The following FBN2 variants were observed in gnomAD, a reference collection of about 807,000 sequenced individuals.
FBN2 encodes fibrillin-2.
In FBN2, 105 loss-of-function variants were observed where a neutral mutation model predicts 355.6. The ratio of observed to expected loss-of-function variants is 0.30; its 90% CI spans 0.25 to 0.35. The LOEUF (loss-of-function observed/expected upper bound fraction) is 0.35, where lower values mean the gene tolerates loss of function less well. Ranked by LOEUF, FBN2 falls within the 10% of genes least tolerant of loss-of-function variation. The pLI, the probability that FBN2 is intolerant of heterozygous loss-of-function variation, is 1.00. For missense variants in FBN2, 3,280 were observed against 3,758.7 expected (o/e 0.87, Z 3.33); for synonymous variants, 1,350 against 1,301.2 (o/e 1.04, Z -0.81).
At chr5:128,478,044 T>C (rs1203231886) in intron 5 of FBN2, among the ~76,000 whole-genome samples, 3 of 152,238 alleles carry the variant, frequency 2.0e-5, no homozygotes, top group Non-Finnish European at 2.9e-5. Context: ...TCACTTCTTG[T>C]GTGCAAGTAC....
intron 4 of FBN2, among the ~76,000 whole-genome samples, chr5:128,526,107 A>G (rs1213001028): frequency 6.6e-6 from 1 of 152,190 alleles, no homozygotes; most frequent in African/African-American, 2.4e-5. Flanking sequence ...AGAAAACTTT[A>G]TAGCACTTAT....
At chr5:128,386,270 G>A (rs1752363686) in intron 11 of FBN2, among the ~76,000 whole-genome samples, 1 of 152,018 alleles carries the variant, frequency 6.6e-6, no homozygotes, top group Admixed American at 6.6e-5. Context: ...ATCATTTATC[G>A]AATAGGGAGC....
At chr5:128,359,024 C>G (rs2126933690) in intron 19 of FBN2, among the ~76,000 whole-genome samples, 1 of 152,146 alleles carries the variant, frequency 6.6e-6, no homozygotes, top group East Asian at 1.9e-4. Flanking sequence ...CAAAGCACAT[C>G]TGGTTTACAT....
chr5:128,493,690 C>T (rs1231118874), intron 5 of FBN2, among the ~76,000 whole-genome samples: 3 of 152,098 alleles, frequency 2.0e-5, no homozygotes. Flanking sequence ...AAAATAAACT[C>T]TGAAGGCTGT....
chr5:128,396,979 T>C (rs1752667596), intron 8 of FBN2, among the ~76,000 whole-genome samples: 1 of 152,174 alleles, frequency 6.6e-6, no homozygotes, highest in Non-Finnish European at 1.5e-5. Context: ...GGCCCATATA[T>C]AGCATGCCTC....
intron 7 of FBN2, among the ~76,000 whole-genome samples, chr5:128,425,917 A>G (rs2127022863): frequency 6.6e-6 from 1 of 152,312 alleles, no homozygotes; most frequent in Non-Finnish European, 1.5e-5. Flanking sequence ...TTACATTCAT[A>G]TGTACCCTAT....
At chr5:128,370,864 A>G (rs1257529647) in intron 15 of FBN2, among the ~76,000 whole-genome samples, 1 of 152,180 alleles carries the variant, frequency 6.6e-6, no homozygotes, top group East Asian at 1.9e-4. Flanking sequence ...GTTTCATGAA[A>G]AAGAAAGTAG....
intron 5 of FBN2, among the ~76,000 whole-genome samples, chr5:128,488,803 A>G (rs886105458): frequency 1.3e-5 from 2 of 151,724 alleles, no homozygotes; most frequent in African/African-American, 4.9e-5. Context: ...TTCCAATTTC[A>G]TCCATGTCCC....
At chr5:128,384,186 G>T (rs1251551798) in intron 11 of FBN2, among the ~76,000 whole-genome samples, 2 of 152,006 alleles carry the variant, frequency 1.3e-5, no homozygotes, top group African/African-American at 4.8e-5. Context: ...TCAGACAAAA[G>T]TCATATATGT....
At chr5:128,519,400 A>G (rs1346373748) in intron 4 of FBN2, 32 bp from the exon 5 acceptor site, 5 of 1,540,076 alleles carry the variant, frequency 3.2e-6, no homozygotes, top group Non-Finnish European at 4.5e-6. Context: ...AGCTCATTAT[A>G]TAGCCAGTCT....
At chr5:128,512,157 A>T (rs2127153184) in intron 5 of FBN2, among the ~76,000 whole-genome samples, 1 of 152,314 alleles carries the variant, frequency 6.6e-6, no homozygotes, top group South Asian at 2.1e-4. Context: ...GCTGTTCACA[A>T]CTGATGTCCC....
At chr5:128,462,655 A>T (rs1754588779) in intron 6 of FBN2, among the ~76,000 whole-genome samples, 1 of 152,192 alleles carries the variant, frequency 6.6e-6, no homozygotes, top group East Asian at 1.9e-4. Flanking sequence ...ACATTCAGAA[A>T]GTTTGAGATC....
At chr5:128,420,663 AAT>A (rs1201469734) in intron 7 of FBN2, among the ~76,000 whole-genome samples, 16 of 152,248 alleles carry the variant, frequency 1.1e-4, no homozygotes, top group Admixed American at 1.0e-3. Flanking sequence ...CTCTTAAATA[AAT>A]ATTTTGTTTG....
intron 3 of FBN2, among the ~76,000 whole-genome samples, chr5:128,528,250 G>C (rs1756616953): frequency 6.6e-6 from 1 of 152,080 alleles, no homozygotes; most frequent in Non-Finnish European, 1.5e-5. Flanking sequence ...GAAAGCAGGA[G>C]GCACTTTTGT....
At chr5:128,332,288 T>G (rs1178945091) in intron 32 of FBN2, among the ~76,000 whole-genome samples, 9 of 152,172 alleles carry the variant, frequency 5.9e-5, no homozygotes, top group Admixed American at 4.6e-4. Context: ...TGCTTTATTG[T>G]AAGGCATGTG....
At chr5:128,393,461 C>T in intron 9 of FBN2, 93 bp from the exon 10 acceptor site, 1 of 974,094 alleles carries the variant, frequency 1.0e-6, no homozygotes, top group Admixed American at 1.9e-5. Flanking sequence ...CTTTGGGTTA[C>T]CTATACTACA....
chr5:128,514,316 CATTT>C (rs1756220635), intron 5 of FBN2, among the ~76,000 whole-genome samples: 2 of 152,092 alleles, frequency 1.3e-5, no homozygotes, highest in African/African-American at 4.8e-5. Context: ...ATTCTACATT[CATTT>C]GACTGAAAGA....
At chr5:128,333,465 TCTAA>T (rs1366540888) in intron 31 of FBN2, among the ~76,000 whole-genome samples, 3 of 152,172 alleles carry the variant, frequency 2.0e-5, no homozygotes, top group African/African-American at 7.2e-5. Flanking sequence ...AAGATAAGAA[TCTAA>T]CTTTTTAAAA....
At chr5:128,478,002 G>A (rs931747767) in intron 5 of FBN2, among the ~76,000 whole-genome samples, 3 of 152,164 alleles carry the variant, frequency 2.0e-5, no homozygotes, top group African/African-American at 4.8e-5. Context: ...CGACATCTGA[G>A]ATTGCTGAAT....
Sources: allele counts gnomAD v4.1 joint callset (sites outside exome capture counted in the v4.1 genomes callset), GRCh38; gene constraint gnomAD v4.1.1; transcripts MANE v1.5; gene names NCBI Gene and HGNC (gene_info 2026-07-23, HGNC 2026-07-21).